The following CENPF variants were observed in gnomAD, a reference collection of about 807,000 sequenced individuals.
CENPF encodes centromere protein F.
In CENPF, 214 loss-of-function variants were observed where a neutral mutation model predicts 307.3. The ratio of observed to expected loss-of-function variants is 0.70; its 90% confidence interval spans 0.62 to 0.78. The LOEUF (loss-of-function observed/expected upper bound fraction) is 0.78. Ranked by LOEUF, CENPF falls within the 30% of genes least tolerant of loss-of-function variation. CENPF has a pLI of 0.00. For synonymous variants in CENPF, 1,259 were observed against 1,270.6 expected, an observed-to-expected ratio of 0.99 and a Z score of 0.19; for missense variants, 3,401 against 3,483.9, an observed-to-expected ratio of 0.98 and a Z score of 0.60.
intron 15 of CENPF, among the ~76,000 whole-genome samples, chr1:214,652,170 G>A (rs1404007022): frequency 2.0e-5 from 3 of 149,962 alleles, no homozygotes; most frequent in Non-Finnish European, 4.4e-5. Flanking sequence ...CGAGTAGCTG[G>A]GACTACAGGT....
chr1:214,640,558 G>C lies in CENPF; in HGVS notation c.2220G>C (p.Gln740His). ...TTGAAGATCTAGAACACAAGCTTCA[G>C]TTACTGTCAAATGAAATAATGGACA... The part of the protein sequence containing the change: ...GQVEDLEHKL[Q>H]LLSNEIMDKD... The change falls in exon 12 of 20, where the codon CAG (glutamine) becomes CAC (histidine). Residue 740 changes from glutamine to histidine, a missense_variant. Transcript: ENST00000366955. 6.2e-7 allele frequency: 1 copy of C among 1,614,114 alleles called. No individual in the cohort carries two copies.
At chr1:214,621,876 C>A (rs563075495) in intron 6 of CENPF, among the ~76,000 whole-genome samples, 2 of 152,304 alleles carry the variant, frequency 1.3e-5, no homozygotes, top group East Asian at 3.9e-4. Context: ...AAATCTGTTT[C>A]TCCTGCTTTC....
At position 214,645,413 on chromosome 1, in the gene CENPF, G is replaced by A. The variant is rs760812618; in HGVS notation, c.5843G>A (p.Cys1948Tyr). The A allele has an allele frequency of 6.2e-7, 1 of 1,614,104 alleles. No homozygotes were observed. The highest frequency in any genetic ancestry group is 8.5e-7 in the Non-Finnish European group (1 of 1,179,992). ...DNENKQKVIV[C>Y]LEEELSVVTS... ...GAAAATAAGCAGAAGGTTATTGTCT[G>A]CCTTGAAGAAGAACTCTCAGTGGTC... Residue 1948 changes from cysteine (C) to tyrosine (Y), a missense_variant, in exon 13 of 20, where the codon TGC becomes TAC. Transcript: ENST00000366955.
chr1:214,611,306 T>G (rs1445513359), intron 1 of CENPF, among the ~76,000 whole-genome samples: 1 of 152,190 alleles, frequency 6.6e-6, no homozygotes, highest in Non-Finnish European at 1.5e-5. Flanking sequence ...TTCTTCATAT[T>G]CATGAGCATG....
intron 17 of CENPF, 56 bp from the exon 18 acceptor site, chr1:214,656,877 A>G (rs1658647011): frequency 2.6e-6 from 3 of 1,166,734 alleles, no homozygotes; most frequent in East Asian, 2.3e-5. Context: ...CACGATGCCC[A>G]TTGTTAACTA....
chr1:214,616,815 CT>C (rs1657349576), intron 3 of CENPF, among the ~76,000 whole-genome samples: 1 of 144,800 alleles, frequency 6.9e-6, no homozygotes, highest in East Asian at 2.0e-4. Flanking sequence ...TCTTTCCTTC[CT>C]TCCTTCTTTC....
In CENPF at chr1:214,622,055, T is replaced by C. The variant is rs1241430303; in HGVS notation, c.866-24T>C. On this transcript the variant is annotated intron_variant, in intron 6 of 19. Coordinates refer to ENST00000366955, the MANE Select transcript of CENPF (RefSeq NM_016343.4). The stretch of plus-strand genomic sequence containing the variant: ...TGGGAAAGATATATATGAATTGGAG[T>C]GTGATTTTTGTTTGTGGTTCAAGAG... 5.7e-6 allele frequency: 9 copies of C among 1,567,256 alleles called. No homozygotes were observed. The South Asian group carries it at 6.8e-5, about 12-fold the overall frequency.
At chr1:214,638,438 T>C (rs1402222612) in intron 11 of CENPF, among the ~76,000 whole-genome samples, 2 of 152,206 alleles carry the variant, frequency 1.3e-5, no homozygotes, top group Non-Finnish European at 2.9e-5. Flanking sequence ...ATGACCATTG[T>C]TTTTTGATGA....
chr1:214,663,228 T>A (rs1658830578), intron 19 of CENPF, among the ~76,000 whole-genome samples: 1 of 152,228 alleles, frequency 6.6e-6, no homozygotes, highest in African/African-American at 2.4e-5. Context: ...GTTACACTTG[T>A]TTTAAACAAC....
In CENPF at chr1:214,646,552, G is replaced by A. The variant is rs372969150; in HGVS notation, c.6982G>A (p.Glu2328Lys). 12 of 1,613,950 alleles carry A rather than the reference G, an allele frequency of 7.4e-6. No homozygotes were observed. The East Asian group carries it at 8.9e-5, about 12-fold the overall frequency. ...LCVLQQLKES[E>K]HHADLLKGRV... ...TGTCTTACAACAACTGAAGGAAAGT[G>A]AGCATCATGCAGATTTACTTAAGGG... Residue 2328 changes from glutamate (E) to lysine (K), a missense_variant, in exon 13 of 20, where the codon GAG becomes AAG. By Grantham distance (56) the Glu-to-Lys change is moderately conservative. Transcript: ENST00000366955.
intron 19 of CENPF, among the ~76,000 whole-genome samples, chr1:214,662,519 C>CTTTTCTTCT (rs371492823): frequency 5.2e-4 from 79 of 152,296 alleles, no homozygotes; most frequent in African/African-American, 1.8e-3. Flanking sequence ...TTTCCATTCC[C>CTTTTCTTCT]TTTTCTTCTT....
Position 214,642,836 on chromosome 1 carries a change from T to G in CENPF, c.4498T>G (p.Leu1500Val). ...LGDSSFYRAL[L>V]EQTGDMSLLS... ...AGACTCCTCCTTTTACAGAGCTCTT[T>G]TAGAACAGACAGGAGATATGTCTCT... The change falls in exon 12 of 20, where the codon TTA (leucine) becomes GTA (valine). Residue 1500 changes from leucine (L) to valine (V), a missense_variant. Transcript: ENST00000366955. 6.2e-7 allele frequency: 1 copy of G among 1,614,116 alleles called. No individual in the cohort carries two copies. Among genetic ancestry groups the G allele is most frequent in the Non-Finnish European group, 8.5e-7 (1 of 1,180,016 alleles).
intron 17 of CENPF, 96 bp from the exon 18 acceptor site, chr1:214,656,837 A>C (rs748600019): frequency 1.2e-5 from 10 of 868,172 alleles, no homozygotes; most frequent in Admixed American, 2.3e-5. Flanking sequence ...AAAAAAATCA[A>C]AGAAAGAACA....
chr1:214,655,266 A>G lies in CENPF; in HGVS notation c.8348A>G (p.Gln2783Arg). 3 of 1,602,104 alleles carry G rather than the reference A, an allele frequency of 1.9e-6. No homozygotes were observed. The highest frequency in any genetic ancestry group is 2.6e-6 in the Non-Finnish European group (3 of 1,174,798). The part of the protein sequence containing the change: ...TKMDNLKYVN[Q>R]LKKENERAQG... ...ATGGACAATCTAAAATATGTAAATC[A>G]GTTGAAGAAGGAAAATGAACGTGCC... Residue 2783 changes from glutamine to arginine, a missense_variant, in exon 17 of 20, where the codon CAG (glutamine) becomes CGG (arginine). By Grantham distance (43) the Gln-to-Arg change is conservative. Coordinates refer to ENST00000366955, the MANE Select transcript of CENPF (RefSeq NM_016343.4).
Position 214,632,468 on chromosome 1 carries a change from T to C in CENPF, c.1324-12T>C. 1 of 1,605,892 alleles carries C rather than the reference T, an allele frequency of 6.2e-7. No homozygotes were observed. The highest frequency in any genetic ancestry group is 2.2e-5 in the East Asian group (1 of 44,840). ...CATGAAAATGAAACTTGGTCTCTTT[T>C]TCTTTTTGTAGCTCACATCAGTAAA... On this transcript the variant is annotated splice_polypyrimidine_tract_variant and intron_variant, in intron 9 of 19. Coordinates refer to ENST00000366955, the MANE Select transcript of CENPF (RefSeq NM_016343.4).
In CENPF at chr1:214,650,169, A is replaced by C. The variant is rs574427186; in HGVS notation, c.7983+1342A>C. On this transcript the variant is annotated intron_variant, in intron 14 of 19. Coordinates refer to ENST00000366955, the MANE Select transcript of CENPF (RefSeq NM_016343.4). ...GTGGTCAGCAGATGTCACTTGCAAG[A>C]TGACGAGTCAGCTATGCAACGACCA... 3.3e-4 allele frequency among the ~76,000 whole-genome samples: 51 copies of C among 152,296 alleles called. 1 individual carries two copies. The South Asian group carries it at 0.01, about 30-fold the overall frequency.
At chr1:214,633,414 T>C (rs891361621) in intron 10 of CENPF, among the ~76,000 whole-genome samples, 3 of 152,210 alleles carry the variant, frequency 2.0e-5, no homozygotes, top group Non-Finnish European at 4.4e-5. Context: ...TAAATCAACA[T>C]TGTAATTTTA....
rs1174847180 is a variant in CENPF at position 214,613,762 on chromosome 1, G to A, written c.8G>A (p.Trp3Ter). Reference sequence around the variant, plus strand: ...TAAAGAAGGCAGAACAAAATGAGCTGGGCTTTGGAAGAATGGAAAGAAGGG... The same window carrying A: ...TAAAGAAGGCAGAACAAAATGAGCTAGGCTTTGGAAGAATGGAAAGAAGGG... The part of the protein sequence containing the change: MS[W>*]ALEEWKEGLP... Residue 3 changes from tryptophan (W) to a stop codon, truncating the protein, a stop_gained, in exon 2 of 20, where the codon TGG (tryptophan) becomes TAG (stop). Transcript: ENST00000366955. LOFTEE classifies it high-confidence loss of function. The A allele has an allele frequency of 1.2e-6, 2 of 1,601,342 alleles. No individual in the cohort carries two copies. The highest frequency in any genetic ancestry group is 1.7e-6 in the Non-Finnish European group (2 of 1,175,594).
In CENPF at chr1:214,642,141, C is replaced by T. The variant is rs116055478; in HGVS notation, c.3803C>T (p.Ala1268Val). 47 of 1,613,560 alleles carry T rather than the reference C, an allele frequency of 2.9e-5. No homozygotes were observed. The highest frequency in any genetic ancestry group is 1.6e-4 in the Middle Eastern group (1 of 6,084). The change falls in exon 12 of 20, where the codon GCG (alanine) becomes GTG (valine). Residue 1268 changes from alanine (A) to valine (V), a missense_variant. Coordinates refer to ENST00000366955, the MANE Select transcript of CENPF (RefSeq NM_016343.4). ...GGCCTTAAAGACTGTGAAATAGATGCGGAAGAAAAGTATATTTCAGGGCCT... is the reference window on the plus strand; with the variant it reads ...GGCCTTAAAGACTGTGAAATAGATGTGGAAGAAAAGTATATTTCAGGGCCT... Reference protein sequence around the residue: ...ISGLKDCEIDAEEKYISGPHE... With the variant: ...ISGLKDCEIDVEEKYISGPHE...
Sources: allele counts gnomAD v4.1 joint callset (sites outside exome capture counted in the v4.1 genomes callset), GRCh38; gene constraint gnomAD v4.1.1; transcripts MANE v1.5; gene names NCBI Gene and HGNC (gene_info 2026-07-23, HGNC 2026-07-21).